Variants in DYNLL1 observed in about 807,000 individuals in gnomAD.
DYNLL1 encodes dynein light chain 1, cytoplasmic.
DYNLL1 carries 3 observed loss-of-function variants against 10.1 expected under a neutral mutation model. The observed-to-expected ratio is 0.30, with a 90% CI of 0.14 to 0.77. DYNLL1 has a LOEUF of 0.77. Ranked by LOEUF, DYNLL1 falls within the 30% of genes least tolerant of loss-of-function variation. The probability of loss-of-function intolerance (pLI) is 0.66; values close to 1 mark genes in which losing one functional copy is unlikely to be tolerated. For synonymous variants in DYNLL1, 46 were observed against 41.2 expected (o/e 1.12, Z -0.45); for missense variants, 47 against 111.7 (o/e 0.42, Z 2.61).
intron 1 of DYNLL1, among the ~76,000 whole-genome samples, chr12:120,483,751 G>A (rs1330600970): frequency 2.0e-5 from 3 of 152,150 alleles, no homozygotes; most frequent in Non-Finnish European, 2.9e-5. Flanking sequence ...CCAAGAGAGA[G>A]TTTAAATAGA....
At position 120,498,001 on chromosome 12, in the gene DYNLL1, C is replaced by G. The variant is rs1868513906; in HGVS notation, c.133-72C>G. ...TTCCTCCTTTCTGCCCCTACAGGCT[C>G]TGGCTTATCCAAGAGGCAAACACTG... On this transcript the variant is annotated intron_variant, in intron 2 of 2. Coordinates refer to ENST00000242577, the MANE Select transcript of DYNLL1 (RefSeq NM_003746.3). The G allele has an allele frequency of 1.1e-5, 17 of 1,488,080 alleles. No homozygotes were observed. In the Middle Eastern group the frequency reaches 5.3e-4, roughly 46 times the overall value. The allele number at this position is 1,488,080 out of a possible 1,614,324, so 92.2% of individuals were successfully genotyped here. A position where few individuals can be genotyped will look rare whatever the true frequency, so the allele number is the denominator to read the frequency against.
chr12:120,495,414 C>T (rs2168319), upstream of DYNLL1: 43,824 of 151,904 alleles, frequency 0.29, 6,650 homozygotes, highest in East Asian at 0.5. Context: ...AGAGACCCCA[C>T]TCTTGGGGAT....
intron 1 of DYNLL1, among the ~76,000 whole-genome samples, chr12:120,481,781 TA>T (rs1158575321): frequency 2.6e-5 from 4 of 152,250 alleles, no homozygotes; most frequent in Non-Finnish European, 5.9e-5. Flanking sequence ...CCATCTCTAG[TA>T]ATGTGGATAG....
In DYNLL1 at chr12:120,498,350, G is replaced by A; in HGVS notation, c.*140G>A. ...TGAACCTTTGTTGTGTTTTGTACAG[G>A]GCATTCTCTGTACTAGTTTGTCGTG... is the stretch of plus-strand genomic sequence containing the variant. On this transcript the variant is annotated 3_prime_UTR_variant, in exon 3 of 3. Coordinates refer to ENST00000242577, the MANE Select transcript of DYNLL1 (RefSeq NM_003746.3). 2.0e-6 allele frequency: 2 copies of A among 1,003,862 alleles called. No individual in the cohort carries two copies. The highest frequency in any genetic ancestry group is 2.8e-6 in the Non-Finnish European group (2 of 712,412). 62.2% of individuals were successfully genotyped at this position (1,003,862 alleles called of 1,614,324 possible).
At position 120,496,785 on chromosome 12, in the gene DYNLL1, A is replaced by T. The variant is rs1243991995; in HGVS notation, c.132+232A>T. 10 of 624,158 alleles carry T rather than the reference A, an allele frequency of 1.6e-5. No homozygotes were observed. In the African/African-American group the frequency reaches 1.7e-4, roughly 11 times the overall value. 38.7% of individuals were successfully genotyped at this position (624,158 alleles called of 1,614,324 possible). A position where few individuals can be genotyped will look rare whatever the true frequency, so the allele number is the denominator to read the frequency against. On this transcript the variant is annotated intron_variant, in intron 2 of 2. Coordinates refer to ENST00000242577, the MANE Select transcript of DYNLL1 (RefSeq NM_003746.3). ...TAATTACCCAGCTCCGCGGGGGGAA[A>T]GCGCCACCTAGCAACGGTATCTAAG... is the stretch of plus-strand genomic sequence containing the variant.
chr12:120,480,272 G>T (rs1390050458), intron 1 of DYNLL1, among the ~76,000 whole-genome samples: 1 of 152,190 alleles, frequency 6.6e-6, no homozygotes, highest in Non-Finnish European at 1.5e-5. Flanking sequence ...TTCTAGTTCT[G>T]AATACTATGC....
At chr12:120,484,799 C>T (rs541794491) in intron 1 of DYNLL1, among the ~76,000 whole-genome samples, 13 of 150,124 alleles carry the variant, frequency 8.7e-5, no homozygotes, top group Admixed American at 4.0e-4. Context: ...AGTGCAATAG[C>T]GCAATCTCGG....
chr12:120,470,560 T>A (rs544487087), intron 1 of DYNLL1, among the ~76,000 whole-genome samples: 1 of 152,122 alleles, frequency 6.6e-6, no homozygotes, highest in Non-Finnish European at 1.5e-5. Flanking sequence ...TCGATCTCGC[T>A]GGACTCAGGT....
intron 1 of DYNLL1, 58 bp downstream of exon 1, chr12:120,496,274 A>C (rs1868392640): frequency 3.2e-6 from 4 of 1,269,068 alleles, no homozygotes; most frequent in Non-Finnish European, 4.4e-6. Flanking sequence ...CCCACTCCGG[A>C]CTTAGCCCTC....
intron 1 of DYNLL1, among the ~76,000 whole-genome samples, chr12:120,477,744 C>T (rs1290894836): frequency 6.6e-6 from 1 of 151,984 alleles, no homozygotes; most frequent in African/African-American, 2.4e-5. Context: ...CACTGTACTC[C>T]AGCCTGGGTG....
At chr12:120,479,449 CAAAAAAAAAA>C (rs71076617) in intron 1 of DYNLL1, among the ~76,000 whole-genome samples, 1 of 76,096 alleles carries the variant, frequency 1.3e-5, no homozygotes. Flanking sequence ...ACTCCGTCTC[CAAAAAAAAAA>C]AAAAAAAAAA....
At chr12:120,493,537 T>C (rs927651577), upstream of DYNLL1, among the ~76,000 whole-genome samples, 4 of 151,690 alleles carry the variant, frequency 2.6e-5, no homozygotes, top group South Asian at 4.1e-4. Context: ...ATAAAAAGTA[T>C]ACTTATTTAA....
upstream of DYNLL1, among the ~76,000 whole-genome samples, chr12:120,493,571 A>AT (rs1879188311): frequency 2.0e-5 from 3 of 151,510 alleles, no homozygotes; most frequent in Non-Finnish European, 4.4e-5. Flanking sequence ...TTCAAATAAA[A>AT]TTATTATATA....
At chr12:120,492,575 T>A (rs1430473441), upstream of DYNLL1, among the ~76,000 whole-genome samples, 3 of 151,780 alleles carry the variant, frequency 2.0e-5, no homozygotes, top group Admixed American at 6.6e-5. This position sits in a 1 kb window ranked among gnomAD's most constrained non-coding sequence, Gnocchi z 4.1. Context: ...TCAAAAAAAA[T>A]AAATAAATAA....
intron 1 of DYNLL1, among the ~76,000 whole-genome samples, chr12:120,488,423 T>G (rs1879044426): frequency 6.6e-6 from 1 of 152,136 alleles, no homozygotes; most frequent in Non-Finnish European, 1.5e-5. Flanking sequence ...CATTAACAGC[T>G]CTCACACCAG....
intron 1 of DYNLL1, among the ~76,000 whole-genome samples, chr12:120,471,026 C>G (rs965561817): frequency 6.6e-6 from 1 of 151,314 alleles, no homozygotes; most frequent in African/African-American, 2.4e-5. Flanking sequence ...GCCTGGGTGA[C>G]AGAGTGAGAC....
Position 120,485,057 on chromosome 12 carries a change from G to A in DYNLL1, c.-6-11359G>A, listed in dbSNP as rs560010573. ...CCCTGGCCGCATGGGCTATAAAGAAGCTATTAAAATTGGGCTGGGTGCAGT... is the reference window on the plus strand; with the variant it reads ...CCCTGGCCGCATGGGCTATAAAGAAACTATTAAAATTGGGCTGGGTGCAGT... On this transcript the variant is annotated intron_variant, in intron 1 of 2. Transcript: ENST00000392509. Among the ~76,000 whole-genome samples the A allele has an allele frequency of 2.2e-3, 336 of 152,028 alleles. 1 individual carries two copies. Among genetic ancestry groups the A allele is most frequent in the African/African-American group, 8.0e-3 (333 of 41,536 alleles).
chr12:120,496,140 G>T lies in DYNLL1; in HGVS notation c.-83G>T. 3.7e-6 allele frequency: 2 copies of T among 535,174 alleles called. No homozygotes were observed. The highest frequency in any genetic ancestry group is 3.3e-6 in the Non-Finnish European group (1 of 300,436). The allele number at this position is 535,174 out of a possible 1,614,324, so 33.2% of individuals were successfully genotyped here. On this transcript the variant is annotated 5_prime_UTR_variant, in exon 1 of 3. Transcript: ENST00000242577. ...ATGCGCCACGGTTTCGGTAGCGACG[G>T]TATCTCTAGCCGGGCCTGAGCTGTG...
intron 1 of DYNLL1, among the ~76,000 whole-genome samples, chr12:120,490,031 A>T (rs1879088828): frequency 6.6e-6 from 1 of 152,264 alleles, no homozygotes; most frequent in Non-Finnish European, 1.5e-5. Flanking sequence ...TACAGGCGTA[A>T]GCCACCGTGC....
Sources: allele counts gnomAD v4.1 joint callset (sites outside exome capture counted in the v4.1 genomes callset), GRCh38; gene constraint gnomAD v4.1.1; non-coding constraint Gnocchi (gnomAD v3.1); transcripts MANE v1.5; gene names NCBI Gene and HGNC (gene_info 2026-07-23, HGNC 2026-07-21).